Variants in SPECC1 observed in about 807,000 individuals in gnomAD.
SPECC1 encodes sperm antigen with calponin homology and coiled-coil domains 1.
Under a neutral mutation model 104.1 loss-of-function variants are expected in SPECC1, and 62 were observed. The observed-to-expected ratio is 0.60, with a 90% CI of 0.49 to 0.74. The LOEUF (loss-of-function observed/expected upper bound fraction) is 0.74, where lower values mean the gene tolerates loss of function less well. Among genes scored for constraint, SPECC1 ranks in the 30% least tolerant of loss-of-function variants. The pLI is 0.00. For missense variants in SPECC1, 1,306 were observed against 1,310.5 expected (o/e 1.00, Z 0.05); for synonymous variants, 513 against 501.6 (o/e 1.02, Z -0.30).
At chr17:20,151,077 G>T (rs1377895978) in intron 3 of SPECC1, among the ~76,000 whole-genome samples, 2 of 152,140 alleles carry the variant, frequency 1.3e-5, no homozygotes, top group African/African-American at 2.4e-5. Flanking sequence ...TAATTATAAT[G>T]TCCAAGTTGT....
Position 20,317,259 on chromosome 17 carries a change from A to ATTTTTTTTTTTTTTTTTTT in SPECC1, c.*3197_*3215dup, listed in dbSNP as rs762643888. 4.2e-3 allele frequency: 296 copies of ATTTTTTTTTTTTTTTTTTT among 69,660 alleles called. 39 individuals carry two copies. The highest frequency in any genetic ancestry group is 8.5e-3 in the Middle Eastern group (1 of 118). The allele number at this position is 69,660 out of a possible 1,614,324, so 4.3% of individuals were successfully genotyped here. On this transcript the variant is annotated 3_prime_UTR_variant, in exon 15 of 15. Coordinates refer to ENST00000395527, the MANE Select transcript of SPECC1 (RefSeq NM_001243439.2). ...GCAAGACCTCTGACTCTATAAAAAA[A>ATTTTTTTTTTTTTTTTTTT]TTTTTTTTTTTTTTTTTTTTTGAGA... is the stretch of plus-strand genomic sequence containing the variant.
chr17:20,258,018 G>C (rs1375196567), intron 11 of SPECC1, among the ~76,000 whole-genome samples: 1 of 152,188 alleles, frequency 6.6e-6, no homozygotes, highest in Non-Finnish European at 1.5e-5. Flanking sequence ...TGCATAACAA[G>C]CTCTCTGTCA....
intron 1 of SPECC1, among the ~76,000 whole-genome samples, chr17:20,031,237 G>A (rs535984612): frequency 3.9e-5 from 6 of 152,106 alleles, no homozygotes; most frequent in Non-Finnish European, 4.4e-5. Context: ...TCAAGTGATC[G>A]CCTGCCTCGG....
At chr17:20,146,056 G>A (rs2031428049) in intron 3 of SPECC1, among the ~76,000 whole-genome samples, 1 of 152,210 alleles carries the variant, frequency 6.6e-6, no homozygotes, top group Non-Finnish European at 1.5e-5. Flanking sequence ...GAATTGATGA[G>A]CCAGTGTAAG....
intron 9 of SPECC1, among the ~76,000 whole-genome samples, chr17:20,250,179 C>T (rs915604924): frequency 1.3e-5 from 2 of 152,148 alleles, no homozygotes; most frequent in Admixed American, 6.5e-5. Context: ...ACCTGCTTTC[C>T]TTTACCTCAT....
At chr17:20,077,591 C>T (rs911280255) in intron 1 of SPECC1, among the ~76,000 whole-genome samples, 3 of 151,928 alleles carry the variant, frequency 2.0e-5, no homozygotes, top group East Asian at 1.9e-4. Context: ...CTCAGCCTCT[C>T]GAGTAGTTGG....
Position 20,104,740 on chromosome 17 carries a change from CAAAA to C in SPECC1, c.148-5664_148-5661del, listed in dbSNP as rs745893309. Reference sequence around the variant, plus strand: ...CTTGGGTGAAAGAGTGAGACTGTCTCAAAAAAAAAAAAAAAAAAAAAAAAAAGAA... The same window carrying C: ...CTTGGGTGAAAGAGTGAGACTGTCTCAAAAAAAAAAAAAAAAAAAAAAGAA... On this transcript the variant is annotated intron_variant, in intron 2 of 14. Coordinates refer to ENST00000395527, the MANE Select transcript of SPECC1 (RefSeq NM_001243439.2). Among the ~76,000 whole-genome samples, 217 of 57,210 alleles carry C rather than the reference CAAAA, an allele frequency of 3.8e-3. 5 individuals are homozygous for C. The East Asian group carries it at 0.04, about 11-fold the overall frequency. The allele number at this position is 57,210 out of a possible 152,430, so 37.5% of individuals were successfully genotyped here. A position where few individuals can be genotyped will look rare whatever the true frequency, so the allele number is the denominator to read the frequency against.
chr17:20,222,878 T>C (rs1413855998), intron 4 of SPECC1, among the ~76,000 whole-genome samples: 1 of 152,220 alleles, frequency 6.6e-6, no homozygotes, highest in Non-Finnish European at 1.5e-5. Context: ...CCTTCAGTAC[T>C]TTAAATATGG....
chr17:20,213,325 T>C (rs550196114), intron 4 of SPECC1, among the ~76,000 whole-genome samples: 9 of 152,290 alleles, frequency 5.9e-5, no homozygotes, highest in East Asian at 1.9e-4. Flanking sequence ...CTCAAACTTA[T>C]GATGATCCTC....
intron 12 of SPECC1, among the ~76,000 whole-genome samples, chr17:20,287,324 G>A (rs1567608635): frequency 6.6e-6 from 1 of 151,014 alleles, no homozygotes; most frequent in African/African-American, 2.4e-5. Context: ...GGCTGAGGCA[G>A]GAGAATGGCG....
intron 1 of SPECC1, among the ~76,000 whole-genome samples, chr17:20,053,983 C>T (rs1243501205): frequency 6.6e-6 from 1 of 152,124 alleles, no homozygotes; most frequent in African/African-American, 2.4e-5. Flanking sequence ...ACAACTCCTT[C>T]CTCTCCAAGA....
At chr17:20,289,906 G>A (rs142217573) in intron 12 of SPECC1, among the ~76,000 whole-genome samples, 31 of 152,330 alleles carry the variant, frequency 2.0e-4, no homozygotes, top group African/African-American at 6.7e-4. Context: ...GCAATAAAAA[G>A]TCTGAGGCAG....
At chr17:20,244,421 T>A (rs943037411) in intron 7 of SPECC1, among the ~76,000 whole-genome samples, 17 of 152,190 alleles carry the variant, frequency 1.1e-4, no homozygotes, top group African/African-American at 3.9e-4. Flanking sequence ...AAAATTATTT[T>A]AAAAACCCAA....
chr17:20,136,039 C>T (rs1014850200), intron 3 of SPECC1, among the ~76,000 whole-genome samples: 2 of 152,048 alleles, frequency 1.3e-5, no homozygotes, highest in Admixed American at 1.3e-4. Flanking sequence ...TAGGATGTTG[C>T]TGTAGAAAGG....
At position 20,274,556 on chromosome 17, in the gene SPECC1, C is replaced by T. The variant is rs185118550; in HGVS notation, c.2940+14262C>T. ...GTAGTCTCAAAAAAGTCTCGGCTCA[C>T]TGCAATCTCCGCCTCCCAGGTTCAA... is the stretch of plus-strand genomic sequence containing the variant. On this transcript the variant is annotated intron_variant, in intron 12 of 14. Coordinates refer to ENST00000395527, the MANE Select transcript of SPECC1 (RefSeq NM_001243439.2). Among the ~76,000 whole-genome samples the T allele has an allele frequency of 2.7e-4, 38 of 142,588 alleles. 1 individual carries two copies. In the East Asian group the frequency reaches 7.4e-3, roughly 28 times the overall value. 93.5% of individuals were successfully genotyped at this position (142,588 alleles called of 152,430 possible). A position where few individuals can be genotyped will look rare whatever the true frequency, so the allele number is the denominator to read the frequency against.
intron 7 of SPECC1, among the ~76,000 whole-genome samples, chr17:20,243,103 G>A (rs1338115392): frequency 6.6e-6 from 1 of 152,148 alleles, no homozygotes; most frequent in Non-Finnish European, 1.5e-5. Flanking sequence ...AAACAGTCAT[G>A]TTTACAAAAG....
At position 20,107,144 on chromosome 17, in the gene SPECC1, CAAAAAAAAA is replaced by C. The variant is rs531912350; in HGVS notation, c.148-3266_148-3258del. Among the ~76,000 whole-genome samples the C allele has an allele frequency of 4.3e-4, 29 of 68,182 alleles. No homozygotes were observed. In the East Asian group the frequency reaches 4.5e-3, roughly 11 times the overall value. The allele number at this position is 68,182 out of a possible 152,430, so 44.7% of individuals were successfully genotyped here. A position where few individuals can be genotyped will look rare whatever the true frequency, so the allele number is the denominator to read the frequency against. On this transcript the variant is annotated intron_variant, in intron 2 of 14. Transcript: ENST00000395527. ...GGGCGACAGAGTGAGACTCGTGTCTCAAAAAAAAAAAAAAAAAAAAAAAAAGAAAAGAAA... is the reference window on the plus strand; with the variant it reads ...GGGCGACAGAGTGAGACTCGTGTCTCAAAAAAAAAAAAAAAAGAAAAGAAA...
chr17:20,279,435 G>T (rs895951010), intron 12 of SPECC1, among the ~76,000 whole-genome samples: 9 of 149,220 alleles, frequency 6.0e-5, no homozygotes, highest in Admixed American at 4.1e-4. Context: ...CGATTCTCCT[G>T]CCTCAGCCTC....
intron 3 of SPECC1, among the ~76,000 whole-genome samples, chr17:20,196,698 A>G (rs555895587): frequency 4.0e-5 from 6 of 148,562 alleles, no homozygotes; most frequent in African/African-American, 1.5e-4. Flanking sequence ...TTTCTTTATA[A>G]TCATCTTTGT....
Sources: allele counts gnomAD v4.1 joint callset (sites outside exome capture counted in the v4.1 genomes callset), GRCh38; gene constraint gnomAD v4.1.1; transcripts MANE v1.5; gene names NCBI Gene and HGNC (gene_info 2026-07-23, HGNC 2026-07-21).